The following CUBN variants were observed in gnomAD, a reference collection of about 807,000 sequenced individuals.
The protein encoded by CUBN is 460 kDa receptor.
CUBN carries 282 observed loss-of-function variants against 405.3 expected under a neutral mutation model. The ratio of observed to expected loss-of-function variants is 0.70; its 90% CI spans 0.63 to 0.77. The LOEUF (loss-of-function observed/expected upper bound fraction) is 0.77. Among genes scored for constraint, CUBN ranks in the 30% least tolerant of loss-of-function variants. CUBN has a pLI of 0.00. For missense variants in CUBN, 4,514 were observed against 4,475.2 expected (o/e 1.01, Z -0.25); for synonymous variants, 1,684 against 1,617.0 (o/e 1.04, Z -0.99).
At chr10:16,890,667 ATTTTC>A in intron 54 of CUBN, 140 bp from the exon 55 acceptor site, 1 of 869,170 alleles carries the variant, frequency 1.2e-6, no homozygotes, top group Non-Finnish European at 1.9e-6. Context: ...AATCTGTAGT[ATTTTC>A]TTTTGAGAAT....
intron 60 of CUBN, among the ~76,000 whole-genome samples, chr10:16,844,475 C>A (rs559405834): frequency 6.6e-6 from 1 of 152,170 alleles, no homozygotes; most frequent in Non-Finnish European, 1.5e-5. Flanking sequence ...CCATACATTT[C>A]ATCCAAGGAG....
intron 41 of CUBN, among the ~76,000 whole-genome samples, chr10:16,927,222 T>C (rs563931621): frequency 2.6e-5 from 4 of 152,114 alleles, no homozygotes; most frequent in African/African-American, 9.6e-5. Flanking sequence ...AATATATACA[T>C]GAGAGTGAGA....
intron 28 of CUBN, among the ~76,000 whole-genome samples, chr10:16,999,211 A>C (rs7079381): frequency 0.05 from 7,670 of 152,302 alleles, 370 homozygotes; most frequent in African/African-American, 0.13. Context: ...CCATCTGACT[A>C]TCTAAGATGG....
chr10:16,924,114 AG>A (rs1842116116), intron 43 of CUBN, among the ~76,000 whole-genome samples: 1 of 152,048 alleles, frequency 6.6e-6, no homozygotes, highest in African/African-American at 2.4e-5. Context: ...AAAACAAAAG[AG>A]TAGAGTTATG....
In CUBN at chr10:17,110,947, C is replaced by T; in HGVS notation, c.987G>A (p.Gly329=). The T allele has an allele frequency of 6.2e-7, 1 of 1,614,170 alleles. No homozygotes were observed. Among genetic ancestry groups the T allele is most frequent in the South Asian group, 1.1e-5 (1 of 91,080 alleles). Residue 329 remains glycine, a synonymous_variant, in exon 9 of 67, where the codon GGG becomes GGA. Coordinates refer to ENST00000377833, the MANE Select transcript of CUBN (RefSeq NM_001081.4). ...APPVECVNTP[G]SSHCQACPPG... ...GTGGACAGGCCTGGCAGTGGGAAGA[C>T]CCAGGTGTATTCACACACTCAACGG... is the stretch of plus-strand genomic sequence containing the variant.
chr10:17,094,828 A>ATC (rs1466814492), intron 14 of CUBN, among the ~76,000 whole-genome samples: 1 of 152,114 alleles, frequency 6.6e-6, no homozygotes, highest in Admixed American at 6.6e-5. Flanking sequence ...GTTCAATGCC[A>ATC]TCTCTAACAG....
At chr10:17,011,094 T>TACACCAC (rs1279892101) in intron 28 of CUBN, among the ~76,000 whole-genome samples, 2 of 152,202 alleles carry the variant, frequency 1.3e-5, no homozygotes, top group Admixed American at 1.3e-4. Flanking sequence ...TTGATTGAAA[T>TACACCAC]ACACCAATGA....
rs1365905734 is a variant in CUBN, at chr10:17,049,822, T to A, written c.3140-2219A>T. On this transcript the variant is annotated intron_variant, in intron 22 of 66. Coordinates refer to ENST00000377833, the MANE Select transcript of CUBN (RefSeq NM_001081.4). ...TTCCCAACCAAGCAGAATTAATTTA[T>A]TTAGCATAATAAAATTTTATGCAAA... Among the ~76,000 whole-genome samples, 3 of 152,342 alleles carry A rather than the reference T, an allele frequency of 2.0e-5. No individual in the cohort carries two copies. The South Asian group carries it at 6.2e-4, about 32-fold the overall frequency.
At chr10:16,980,866 T>C (rs1833249862) in intron 31 of CUBN, among the ~76,000 whole-genome samples, 1 of 142,856 alleles carries the variant, frequency 7.0e-6, no homozygotes, top group South Asian at 2.4e-4. Flanking sequence ...AAAAGAAAAT[T>C]AGGTAGCCAA....
rs199730617 is a variant in CUBN at position 16,840,946 on chromosome 10, T to C, written c.9765A>G (p.Gln3255=). ...TCTCTAATGTTAAGTCACTGATGAA[T>C]TGAACCGTAAGGAAGTTACCAGAAG... The part of the protein sequence containing the change: ...FISSGNFLTV[Q]FISDLTLERE... The change falls in exon 61 of 67, where the codon CAA becomes CAG. Residue 3255 remains glutamine (Q), a synonymous_variant. Coordinates refer to ENST00000377833, the MANE Select transcript of CUBN (RefSeq NM_001081.4). 2.5e-6 allele frequency: 4 copies of C among 1,613,722 alleles called. No homozygotes were observed. Among genetic ancestry groups the C allele is most frequent in the Non-Finnish European group, 3.4e-6 (4 of 1,179,846 alleles).
chr10:16,957,611 C>CT (rs1430259197), intron 31 of CUBN, among the ~76,000 whole-genome samples: 2 of 152,080 alleles, frequency 1.3e-5, no homozygotes, highest in Non-Finnish European at 2.9e-5. Flanking sequence ...AAAAGGGAAC[C>CT]TTTACACACT....
intron 27 of CUBN, among the ~76,000 whole-genome samples, chr10:17,021,985 A>C (rs1035008568): frequency 2.6e-4 from 39 of 152,298 alleles, no homozygotes; most frequent in African/African-American, 9.1e-4. Flanking sequence ...GAATGAACGC[A>C]GTGATTTCCC....
At chr10:16,930,493 C>G (rs1051207192) in intron 40 of CUBN, among the ~76,000 whole-genome samples, 2 of 152,174 alleles carry the variant, frequency 1.3e-5, no homozygotes, top group Admixed American at 6.6e-5. Context: ...AATGATTTAT[C>G]TAAGGTCATG....
intron 22 of CUBN, among the ~76,000 whole-genome samples, chr10:17,051,089 C>T (rs987812303): frequency 6.6e-6 from 1 of 151,958 alleles, no homozygotes; most frequent in Non-Finnish European, 1.5e-5. Flanking sequence ...GGGCCAGGTG[C>T]AGTGGCTCAC....
At chr10:16,967,314 G>A (rs1439206755) in intron 31 of CUBN, among the ~76,000 whole-genome samples, 2 of 152,152 alleles carry the variant, frequency 1.3e-5, no homozygotes, top group Non-Finnish European at 2.9e-5. Flanking sequence ...CAGTTGTTGC[G>A]AGCACTGACT....
chr10:16,856,538 A>T (rs1839873463), intron 59 of CUBN, among the ~76,000 whole-genome samples: 1 of 152,220 alleles, frequency 6.6e-6, no homozygotes, highest in African/African-American at 2.4e-5. Context: ...AGCTTAAGCC[A>T]AGATCAATCT....
rs577326764 is a variant in CUBN, at chr10:17,106,170, A to C, written c.1112-595T>G. ...CATGGTGGCACACGCCTGTAATCCC[A>C]GCTACTTGGGAGGGTGAGGCAGGAG... is the stretch of plus-strand genomic sequence containing the variant. On this transcript the variant is annotated intron_variant, in intron 10 of 66. Coordinates refer to ENST00000377833, the MANE Select transcript of CUBN (RefSeq NM_001081.4). Among the ~76,000 whole-genome samples the C allele has an allele frequency of 4.0e-3, 615 of 152,106 alleles. 8 individuals carry two copies. The highest frequency in any genetic ancestry group is 0.014 in the African/African-American group (571 of 41,472).
chr10:16,880,005 G>A (rs944147267), intron 56 of CUBN, among the ~76,000 whole-genome samples: 1 of 152,200 alleles, frequency 6.6e-6, no homozygotes, highest in Admixed American at 6.5e-5. Context: ...TTAGGATGAG[G>A]CTCACACTGG....
chr10:17,112,663 T>A (rs1475893426), intron 8 of CUBN, among the ~76,000 whole-genome samples: 1 of 152,066 alleles, frequency 6.6e-6, no homozygotes, highest in East Asian at 1.9e-4. Flanking sequence ...ATAGGTTTTT[T>A]TTTTCCATTT....
Sources: gnomAD v4.1 joint callset for allele counts (sites outside exome capture counted in the v4.1 genomes callset) on GRCh38, gnomAD v4.1.1 for gene constraint, MANE v1.5 for transcripts, NCBI Gene and HGNC (gene_info 2026-07-23, HGNC 2026-07-21) for gene names.